Variants in THSD4 observed in about 807,000 individuals in gnomAD.
THSD4 encodes the protein thrombospondin type-1 domain-containing protein 4.
THSD4 carries 69 observed loss-of-function variants against 119.0 expected under a neutral mutation model. The ratio of observed to expected loss-of-function variants is 0.58; its 90% confidence interval spans 0.48 to 0.71. The LOEUF is 0.71. Ranked by LOEUF, THSD4 falls within the 30% of genes least tolerant of loss-of-function variation. The pLI is 0.00. For synonymous variants in THSD4, 524 were observed against 540.4 expected, an observed-to-expected ratio of 0.97 and a Z score of 0.42; for missense variants, 1,393 against 1,391.1, an observed-to-expected ratio of 1.00 and a Z score of -0.02.
chr15:71,642,011 T>C (rs1302354959), intron 7 of THSD4, among the ~76,000 whole-genome samples: 2 of 152,314 alleles, frequency 1.3e-5, no homozygotes, highest in African/African-American at 2.4e-5. Flanking sequence ...CACAGACCAG[T>C]GTCCAAAGGT....
intron 7 of THSD4, among the ~76,000 whole-genome samples, chr15:71,459,324 ATC>A (rs377346569): frequency 2.0e-5 from 2 of 101,218 alleles, no homozygotes; most frequent in Non-Finnish European, 2.2e-5. Flanking sequence ...ATGCCCAACT[ATC>A]TCTCTCTCTC....
chr15:71,160,964 T>TG (rs1186290951), intron 3 of THSD4, among the ~76,000 whole-genome samples: 1 of 152,042 alleles, frequency 6.6e-6, no homozygotes, highest in African/African-American at 2.4e-5. Context: ...TAACTATTCT[T>TG]GCTTGTCTCA....
chr15:71,451,512 C>T (rs1333997037), intron 7 of THSD4, among the ~76,000 whole-genome samples: 1 of 152,184 alleles, frequency 6.6e-6, no homozygotes, highest in African/African-American at 2.4e-5. Flanking sequence ...CAAGTGCCTT[C>T]ACTTCTAAGT....
chr15:71,311,983 C>T (rs2045117134), intron 6 of THSD4, among the ~76,000 whole-genome samples: 1 of 152,208 alleles, frequency 6.6e-6, no homozygotes, highest in African/African-American at 2.4e-5. Context: ...GTGCTCCACA[C>T]AGCACTGAAG....
chr15:71,178,187 A>G (rs1181142728), intron 3 of THSD4, among the ~76,000 whole-genome samples: 198 of 17,428 alleles, frequency 0.011, 3 homozygotes, highest in South Asian at 0.04. Flanking sequence ...TTAGGAAAAG[A>G]GGAAGTCAAA....
intron 7 of THSD4, among the ~76,000 whole-genome samples, chr15:71,568,568 CTTTT>C (rs61430926): frequency 7.3e-6 from 1 of 137,872 alleles, no homozygotes. Context: ...CTCTTTTTCT[CTTTT>C]TTTTTTTTTG....
chr15:71,410,172 T>C (rs1209729900), intron 6 of THSD4, among the ~76,000 whole-genome samples: 1 of 152,176 alleles, frequency 6.6e-6, no homozygotes, highest in Non-Finnish European at 1.5e-5. Flanking sequence ...AAGGCCGATA[T>C]TCATTTATCC....
intron 7 of THSD4, among the ~76,000 whole-genome samples, chr15:71,587,590 A>G (rs1179117869): frequency 1.2e-4 from 14 of 116,590 alleles, no homozygotes; most frequent in African/African-American, 3.9e-4. Flanking sequence ...ACATGGACAC[A>G]GGAAGGGGAA....
At chr15:71,241,106 C>T (rs2044149226) in intron 4 of THSD4, among the ~76,000 whole-genome samples, 1 of 152,166 alleles carries the variant, frequency 6.6e-6, no homozygotes, top group Non-Finnish European at 1.5e-5. Flanking sequence ...ATCAATGTTT[C>T]ACCTTGATTG....
chr15:71,580,691 T>A (rs1156793446), intron 7 of THSD4, among the ~76,000 whole-genome samples: 1 of 152,182 alleles, frequency 6.6e-6, no homozygotes, highest in Non-Finnish European at 1.5e-5. Context: ...ACTCTCTGCT[T>A]TCATGAATTC....
Position 71,377,879 on chromosome 15 carries a change from C to CACACACACACACACACACACACACACAA in THSD4, c.1016-33781_1016-33780insAACACACACACACACACACACACACACA, listed in dbSNP as rs1555407770. Among the ~76,000 whole-genome samples, 189 of 78,476 alleles carry CACACACACACACACACACACACACACAA rather than the reference C, an allele frequency of 2.4e-3. 1 individual carries two copies. Among genetic ancestry groups the CACACACACACACACACACACACACACAA allele is most frequent in the African/African-American group, 8.4e-3 (157 of 18,662 alleles). 51.5% of individuals were successfully genotyped at this position (78,476 alleles called of 152,430 possible). A position where few individuals can be genotyped will look rare whatever the true frequency, so the allele number is the denominator to read the frequency against. The stretch of plus-strand genomic sequence containing the variant: ...CGGACATATCCACAACACACACACA[C>CACACACACACACACACACACACACACAA]ACACACACACACACACACACACACA... On this transcript the variant is annotated intron_variant, in intron 6 of 17. Coordinates refer to ENST00000261862, the MANE Select transcript of THSD4 (RefSeq NM_024817.3).
rs1270711917 is a variant in THSD4 at position 71,215,332 on chromosome 15, G to A, written c.397G>A (p.Gly133Ser). Reference sequence around the variant, plus strand: ...GGCCGGTACGGACGCCAGCCGCCAGGGCCCCACGGTGCTGCGAGGCAGCCG... The same window carrying A: ...GGCCGGTACGGACGCCAGCCGCCAGAGCCCCACGGTGCTGCGAGGCAGCCG... ...ALAGTDASRQ[G>S]PTVLRGSRHP... is the part of the protein sequence containing the mutation. The change falls in exon 4 of 18, where the codon GGC (glycine) becomes AGC (serine). Residue 133 changes from glycine to serine, a missense_variant. Physicochemically the swap from Gly to Ser is moderately conservative, Grantham distance 56. Coordinates refer to ENST00000261862, the MANE Select transcript of THSD4 (RefSeq NM_024817.3). 6.5e-7 allele frequency: 1 copy of A among 1,530,730 alleles called. No homozygotes were observed. Among genetic ancestry groups the A allele is most frequent in the Non-Finnish European group, 8.7e-7 (1 of 1,144,900 alleles). 94.8% of individuals were successfully genotyped at this position (1,530,730 alleles called of 1,614,324 possible).
At chr15:71,622,655 G>C (rs1166250576) in intron 7 of THSD4, among the ~76,000 whole-genome samples, 1 of 152,130 alleles carries the variant, frequency 6.6e-6, no homozygotes, top group Non-Finnish European at 1.5e-5. Context: ...AAATTTTAAT[G>C]ATGTGAAAAG....
intron 3 of THSD4, among the ~76,000 whole-genome samples, chr15:71,211,533 C>T (rs1402422900): frequency 1.3e-5 from 2 of 152,058 alleles, no homozygotes; most frequent in Non-Finnish European, 2.9e-5. Context: ...TCATGGGGGC[C>T]TCACCCTCAT....
intron 6 of THSD4, among the ~76,000 whole-genome samples, chr15:71,363,842 G>C (rs1230890157): frequency 2.6e-5 from 4 of 152,166 alleles, no homozygotes; most frequent in African/African-American, 9.7e-5. Context: ...GAGTTGTAAA[G>C]TAACTCAGTT....
chr15:71,486,807 C>T (rs942987428), intron 7 of THSD4, among the ~76,000 whole-genome samples: 4 of 152,084 alleles, frequency 2.6e-5, no homozygotes, highest in African/African-American at 9.7e-5. Context: ...TGAGCTAGTG[C>T]AGCAGGGTCC....
At chr15:71,527,362 A>G (rs1320535030) in intron 7 of THSD4, among the ~76,000 whole-genome samples, 1 of 152,238 alleles carries the variant, frequency 6.6e-6, no homozygotes, top group Admixed American at 6.5e-5. Context: ...GATGAATACA[A>G]AAAGGCTTGT....
chr15:71,164,776 A>C, intron 3 of THSD4: 1 of 1,584,382 alleles, frequency 6.3e-7, no homozygotes, highest in Non-Finnish European at 8.5e-7. Flanking sequence ...CAACTTATTC[A>C]TCATCATCAT....
intron 3 of THSD4, among the ~76,000 whole-genome samples, chr15:71,173,006 C>A (rs1031550732): frequency 6.6e-6 from 1 of 151,726 alleles, no homozygotes; most frequent in Non-Finnish European, 1.5e-5. Context: ...TTTAACACAG[C>A]ACTGGAAGTT....
Sources: gnomAD v4.1 joint callset for allele counts (sites outside exome capture counted in the v4.1 genomes callset) on GRCh38, gnomAD v4.1.1 for gene constraint, MANE v1.5 for transcripts, NCBI Gene and HGNC (gene_info 2026-07-23, HGNC 2026-07-21) for gene names.